The following NBEAL2 variants were observed in gnomAD, a reference collection of about 807,000 sequenced individuals.
NBEAL2 encodes the protein neurobeachin like 2.
Under a neutral mutation model 299.8 loss-of-function variants are expected in NBEAL2, and 160 were observed. The observed-to-expected ratio is 0.53, with a 90% confidence interval of 0.47 to 0.61. The LOEUF (loss-of-function observed/expected upper bound fraction) is 0.61, where lower values mean the gene tolerates loss of function less well. Ranked by LOEUF, NBEAL2 falls within the 20% of genes least tolerant of loss-of-function variation. The pLI is 0.00. For synonymous variants in NBEAL2, 1,493 were observed against 1,542.3 expected, an observed-to-expected ratio of 0.97 and a Z score of 0.75; for missense variants, 3,112 against 3,649.0, an observed-to-expected ratio of 0.85 and a Z score of 3.79.
At position 46,988,395 on chromosome 3, in the gene NBEAL2, G is replaced by A. The variant is rs565222774; in HGVS notation, c.52-274G>A. On this transcript the variant is annotated intron_variant, in intron 1 of 53. Transcript: ENST00000450053. The surrounding 1 kb of genome is among the most constrained non-coding windows in gnomAD (Gnocchi z 4.4). The stretch of plus-strand genomic sequence containing the variant: ...CTAGGACTGCAGGCATTAGGGAGGT[G>A]GGAGCAGAAACTGGGAGGCTGAGAG... 1.3e-5 allele frequency among the ~76,000 whole-genome samples: 2 copies of A among 152,226 alleles called. No individual in the cohort carries two copies. Among genetic ancestry groups the A allele is most frequent in the African/African-American group, 2.4e-5 (1 of 41,534 alleles).
chr3:47,005,951 G>A lies in NBEAL2; in HGVS notation c.6807G>A (p.Ser2269=), dbSNP rs568418633. The part of the protein sequence containing the change: ...FIQQHRQALE[S]EYVSAHLHEW... ...TGCTGCCTCCCTACTCTCAGGAGTC[G>A]GAGTATGTGTCTGCACACCTACACG... The change falls in exon 43 of 54, where the codon TCG becomes TCA. Residue 2269 remains serine (S), a synonymous_variant. Transcript: ENST00000450053. 58 of 1,613,602 alleles carry A rather than the reference G, an allele frequency of 3.6e-5. No homozygotes were observed. In the East Asian group the frequency reaches 6.5e-4, roughly 18 times the overall value.
rs1295351999 is a variant in NBEAL2, at chr3:47,009,462, G to A, written c.*142G>A. The A allele has an allele frequency of 7.5e-6, 6 of 800,470 alleles. 1 individual carries two copies. The highest frequency in any genetic ancestry group is 3.2e-5 in the South Asian group (2 of 61,932). 49.6% of individuals were successfully genotyped at this position (800,470 alleles called of 1,614,324 possible). On this transcript the variant is annotated 3_prime_UTR_variant, in exon 54 of 54. Coordinates refer to ENST00000450053, the MANE Select transcript of NBEAL2 (RefSeq NM_015175.3). ...ACCCTGCCCAGCTCAGGGATTGGCG[G>A]GCGATGTTACCCCCTCAGGGATTGG...
chr3:46,996,968 C>T lies in NBEAL2; in HGVS notation c.2571C>T (p.Asn857=), dbSNP rs1238577365. The part of the protein sequence containing the change: ...LHYSPQACKN[N]ICLDLSPSHG... ...CCTATCCCTAGGCTTGTAAGAACAA[C>T]ATCTGCCTGGACCTGTCCCCCAGTC... The change falls in exon 18 of 54, where the codon AAC becomes AAT. Residue 857 remains asparagine (N), a synonymous_variant. Coordinates refer to ENST00000450053, the MANE Select transcript of NBEAL2 (RefSeq NM_015175.3). The T allele has an allele frequency of 7.4e-6, 12 of 1,613,204 alleles. No homozygotes were observed. Among genetic ancestry groups the T allele is most frequent in the Non-Finnish European group, 1.0e-5 (12 of 1,179,838 alleles).
At position 46,992,526 on chromosome 3, in the gene NBEAL2, C is replaced by T. The variant is rs564642782; in HGVS notation, c.1084C>T (p.Arg362Trp). 109 of 1,602,704 alleles carry T rather than the reference C, an allele frequency of 6.8e-5. No homozygotes were observed. The South Asian group carries it at 7.6e-4, about 11-fold the overall frequency. ...CGAGGGGGACAGTGACCTGGCTACC[C>T]GGTTACTGACTGAGCCCGATGTCCA... is the stretch of plus-strand genomic sequence containing the variant. ...PPEGDSDLAT[R>W]LLTEPDVQKV... is the part of the protein sequence containing the mutation. Residue 362 changes from arginine (R) to tryptophan (W), a missense_variant, in exon 10 of 54, where the codon CGG becomes TGG. Around this residue, in one of 3 missense-constraint regions of NBEAL2, gnomAD observed 2,243 missense variants for 2,538.1 expected, o/e 0.88. Transcript: ENST00000450053.
In NBEAL2 at chr3:47,000,074, T is replaced by A; in HGVS notation, c.3975T>A (p.Pro1325=). 1.2e-6 allele frequency: 2 copies of A among 1,612,364 alleles called. No homozygotes were observed. The highest frequency in any genetic ancestry group is 1.7e-6 in the Non-Finnish European group (2 of 1,179,526). ...CACCCAAGCCACCCACTGAGTCACC[T>A]GCTGAGCCTTCAGATGTCTTCCTGC... ...PAPPKPPTES[P]AEPSDVFLPS... Residue 1325 remains proline (P), a synonymous_variant, in exon 27 of 54, where the codon CCT becomes CCA. Coordinates refer to ENST00000450053, the MANE Select transcript of NBEAL2 (RefSeq NM_015175.3). This position sits in a 1 kb window ranked among gnomAD's most constrained non-coding sequence, Gnocchi z 4.5.
At position 47,004,621 on chromosome 3, in the gene NBEAL2, C is replaced by A; in HGVS notation, c.6294+31C>A. 6.3e-7 allele frequency: 1 copy of A among 1,594,786 alleles called. No individual in the cohort carries two copies. The highest frequency in any genetic ancestry group is 1.7e-5 in the Admixed American group (1 of 59,974). On this transcript the variant is annotated intron_variant, in intron 38 of 53. Coordinates refer to ENST00000450053, the MANE Select transcript of NBEAL2 (RefSeq NM_015175.3). The surrounding 1 kb of genome is among the most constrained non-coding windows in gnomAD (Gnocchi z 5.0). ...GGTCCCACTCTGCACCCCTCCACCC[C>A]TGCCCCTCTGACCTGTCAGCCCTTG...
At position 46,989,078 on chromosome 3, in the gene NBEAL2, C is replaced by A. The variant is rs376130777; in HGVS notation, c.270-7C>A. The A allele has an allele frequency of 8.7e-6, 14 of 1,613,188 alleles. No individual in the cohort carries two copies. The highest frequency in any genetic ancestry group is 1.6e-4 in the Middle Eastern group (1 of 6,082). ...ATTGTGACCTCTCTCATCATTGACT[C>A]CCCCAGGAACCTGGAGAACATAGAG... On this transcript the variant is annotated splice_region_variant and splice_polypyrimidine_tract_variant and intron_variant, in intron 3 of 53. Transcript: ENST00000450053. This position sits in a 1 kb window ranked among gnomAD's most constrained non-coding sequence, Gnocchi z 5.5.
rs2037051206 is a variant in NBEAL2, at chr3:47,002,092, C to T, written c.4955C>T (p.Ala1652Val). The T allele has an allele frequency of 6.5e-7, 1 of 1,547,396 alleles. No homozygotes were observed. Among genetic ancestry groups the T allele is most frequent in the Non-Finnish European group, 8.7e-7 (1 of 1,144,080 alleles). The change falls in exon 31 of 54, where the codon GCA (alanine) becomes GTA (valine). Residue 1652 changes from alanine (A) to valine (V), a missense_variant. Ala to Val is a moderately conservative substitution (Grantham distance 64). This residue lies in a region of NBEAL2 where 2,243 missense variants were observed against 2,538.1 expected (regional missense o/e 0.88). Coordinates refer to ENST00000450053, the MANE Select transcript of NBEAL2 (RefSeq NM_015175.3). The stretch of plus-strand genomic sequence containing the variant: ...GAGGCAGGGTCCCCACTTGCAGCTG[C>T]AGCAGCTGCAGCAGCTGCAGAGCGC... ...TDEAGSPLAA[A>V]AAAAAAERCS...
At chr3:46,980,657 C>T (rs1223722567) in intron 1 of NBEAL2, among the ~76,000 whole-genome samples, 3 of 152,142 alleles carry the variant, frequency 2.0e-5, no homozygotes, top group Non-Finnish European at 2.9e-5. Flanking sequence ...GCTCCCCACC[C>T]ATCTCAGAAA....
rs1336435139 is a variant in NBEAL2, at chr3:46,989,176, C to T, written c.351+10C>T. On this transcript the variant is annotated intron_variant, in intron 4 of 53. Coordinates refer to ENST00000450053, the MANE Select transcript of NBEAL2 (RefSeq NM_015175.3). This position sits in a 1 kb window ranked among gnomAD's most constrained non-coding sequence, Gnocchi z 5.5. The stretch of plus-strand genomic sequence containing the variant: ...CAAGTTGGTGGCGGAGGTGAAGTGG[C>T]CTCTACCTTGGGGGGCAGAGGGTGT... 1 of 1,613,802 alleles carries T rather than the reference C, an allele frequency of 6.2e-7. No individual in the cohort carries two copies. Among genetic ancestry groups the T allele is most frequent in the Non-Finnish European group, 8.5e-7 (1 of 1,179,792 alleles).
rs2035161503 is a variant in NBEAL2, at chr3:46,979,674, G to A, written c.-188G>A. On this transcript the variant is annotated 5_prime_UTR_variant, in exon 1 of 54. Transcript: ENST00000450053. The stretch of plus-strand genomic sequence containing the variant: ...GCTGGGCGGCGGCCGGCAGTGAGGA[G>A]GAGGAGCGAGCAGACTTGGGTGGCT... 6.3e-6 allele frequency: 2 copies of A among 317,414 alleles called. No homozygotes were observed. The allele number at this position is 317,414 out of a possible 1,614,324, so 19.7% of individuals were successfully genotyped here.
chr3:46,987,906 GCCGGGAGGAAGCGGTCCC>G, intron 1 of NBEAL2: 1 of 1,023,598 alleles, frequency 9.8e-7, no homozygotes, highest in Non-Finnish European at 1.3e-6. Flanking sequence ...CCTGCGGTCT[GCCGGGAGGAAGCGGTCCC>G]CCTCCCCCAC....
chr3:46,982,107 C>A lies in NBEAL2; in HGVS notation c.51+2195C>A, dbSNP rs1430488122. The A allele has an allele frequency of 2.0e-5, 3 of 152,406 alleles. No individual in the cohort carries two copies. Among genetic ancestry groups the A allele is most frequent in the African/African-American group, 4.8e-5 (2 of 41,440 alleles). 9.4% of individuals were successfully genotyped at this position (152,406 alleles called of 1,614,324 possible). The stretch of plus-strand genomic sequence containing the variant: ...TAGGGCCAGCCTCCCAGCTCGCCTT[C>A]CTGCCCGCCTGCTCCTGACCCTGAT... On this transcript the variant is annotated intron_variant, in intron 1 of 53. Transcript: ENST00000450053. This position sits in a 1 kb window ranked among gnomAD's most constrained non-coding sequence, Gnocchi z 4.2.
chr3:47,005,055 C>A lies in NBEAL2; in HGVS notation c.6378C>A (p.Ile2126=). ...TCTTCCGGGACCTGTCTAAGCCCAT[C>A]GGTGTGGTGAACCCCAAGCATGCCC... is the stretch of plus-strand genomic sequence containing the variant. ...PAVFRDLSKP[I]GVVNPKHAQL... Residue 2126 remains isoleucine (I), a synonymous_variant, in exon 39 of 54, where the codon ATC becomes ATA. Transcript: ENST00000450053. The A allele has an allele frequency of 6.2e-7, 1 of 1,613,664 alleles. No individual in the cohort carries two copies. The highest frequency in any genetic ancestry group is 8.5e-7 in the Non-Finnish European group (1 of 1,179,802).
At position 46,998,553 on chromosome 3, in the gene NBEAL2, G is replaced by A. The variant is rs776478929; in HGVS notation, c.3209G>A (p.Arg1070His). ...GTCCAGTTTATCTTGGATGCTCTGC[G>A]CACCCACTACAGGTGAGGCCAGTGG... ...YGVQFILDAL[R>H]THYSPQRERP... The change falls in exon 22 of 54, where the codon CGC (arginine) becomes CAC (histidine). Residue 1070 changes from arginine (R) to histidine (H), a missense_variant. Physicochemically the swap from Arg to His is conservative, Grantham distance 29. This residue lies in a region of NBEAL2 where 2,243 missense variants were observed against 2,538.1 expected (regional missense o/e 0.88). Transcript: ENST00000450053. 9 of 1,610,566 alleles carry A rather than the reference G, an allele frequency of 5.6e-6. No individual in the cohort carries two copies. Among genetic ancestry groups the A allele is most frequent in the Admixed American group, 1.7e-5 (1 of 59,588 alleles).
chr3:46,981,960 G>A (rs1425264728), intron 1 of NBEAL2: 2 of 152,316 alleles, frequency 1.3e-5, no homozygotes, highest in Non-Finnish European at 2.9e-5. Context: ...AGCATAGGCT[G>A]GCAGGTTGTA....
rs774919884 is a variant in NBEAL2, at chr3:46,989,250, A to G, written c.352-10A>G. On this transcript the variant is annotated splice_polypyrimidine_tract_variant and intron_variant, in intron 4 of 53. Transcript: ENST00000450053. This position sits in a 1 kb window ranked among gnomAD's most constrained non-coding sequence, Gnocchi z 5.5. ...ATGGCGGGGCTAACCCTCTCTCCCC[A>G]CACCTACAGCTGAAAGGATGCCCAC... The G allele has an allele frequency of 1.9e-6, 3 of 1,612,018 alleles. No homozygotes were observed. Among genetic ancestry groups the G allele is most frequent in the Non-Finnish European group, 2.5e-6 (3 of 1,179,138 alleles).
chr3:46,993,119 G>C (rs1238612744), intron 10 of NBEAL2, among the ~76,000 whole-genome samples: 10 of 152,318 alleles, frequency 6.6e-5, no homozygotes, highest in Middle Eastern at 6.8e-3. Flanking sequence ...GTCTTCATGA[G>C]GTAACCCTAT....
In NBEAL2 at chr3:46,991,084, T is replaced by C; in HGVS notation, c.557-135T>C. 1 of 733,360 alleles carries C rather than the reference T, an allele frequency of 1.4e-6. No homozygotes were observed. The highest frequency in any genetic ancestry group is 2.4e-6 in the Non-Finnish European group (1 of 424,456). 45.4% of individuals were successfully genotyped at this position (733,360 alleles called of 1,614,324 possible). A position where few individuals can be genotyped will look rare whatever the true frequency, so the allele number is the denominator to read the frequency against. On this transcript the variant is annotated intron_variant, in intron 6 of 53. Transcript: ENST00000450053. This position sits in a 1 kb window ranked among gnomAD's most constrained non-coding sequence, Gnocchi z 6.2. ...CCCCCCAGGGCAGAGCCAGCTCTTA[T>C]CCCTCACACTGGATCTTTTACTTGG... is the stretch of plus-strand genomic sequence containing the variant.
Sources: allele counts gnomAD v4.1 joint callset (sites outside exome capture counted in the v4.1 genomes callset), GRCh38; gene constraint gnomAD v4.1.1; regional missense constraint gnomAD v4.1.1; non-coding constraint Gnocchi (gnomAD v3.1); transcripts MANE v1.5; gene names NCBI Gene and HGNC (gene_info 2026-07-23, HGNC 2026-07-21).